The following LRRFIP1 variants were observed in gnomAD, a reference collection of about 807,000 sequenced individuals.
LRRFIP1 encodes LRR binding FLII interacting protein 1.
Under a neutral mutation model 104.4 loss-of-function variants are expected in LRRFIP1, and 62 were observed. That is an observed-to-expected ratio of 0.59 (90% CI 0.48 to 0.73). LRRFIP1 has a LOEUF of 0.73. Among genes scored for constraint, LRRFIP1 ranks in the 30% least tolerant of loss-of-function variants. The probability of loss-of-function intolerance (pLI) is 0.00; values close to 1 mark genes in which losing one functional copy is unlikely to be tolerated. For missense variants in LRRFIP1, 796 were observed against 824.5 expected (o/e 0.97, Z 0.42); for synonymous variants, 300 against 299.0 (o/e 1.00, Z -0.03).
At chr2:237,632,140 G>A (rs2082440692) in intron 1 of LRRFIP1, among the ~76,000 whole-genome samples, 1 of 152,170 alleles carries the variant, frequency 6.6e-6, no homozygotes, top group Admixed American at 6.5e-5. Flanking sequence ...CTGCCCCCAA[G>A]GAGTCCAGTT....
At chr2:237,672,737 C>A (rs1290583568) in intron 1 of LRRFIP1, among the ~76,000 whole-genome samples, 1 of 152,160 alleles carries the variant, frequency 6.6e-6, no homozygotes, top group African/African-American at 2.4e-5. Flanking sequence ...CCTTCTGATT[C>A]TTCTAAGAGA....
chr2:237,713,071 GGCC>G (rs1481651224), intron 2 of LRRFIP1, among the ~76,000 whole-genome samples: 1 of 151,906 alleles, frequency 6.6e-6, no homozygotes, highest in Non-Finnish European at 1.5e-5. Flanking sequence ...TTCTTGAGGG[GGCC>G]GCTCTGAGAA....
chr2:237,700,635 G>A (rs550757911), intron 1 of LRRFIP1, among the ~76,000 whole-genome samples: 110 of 152,234 alleles, frequency 7.2e-4, no homozygotes, highest in African/African-American at 2.4e-3. Context: ...CCCGTGGGGC[G>A]TCATTTCCAT....
At chr2:237,700,078 G>A (rs1037773441) in intron 1 of LRRFIP1, among the ~76,000 whole-genome samples, 3 of 152,306 alleles carry the variant, frequency 2.0e-5, no homozygotes, top group East Asian at 1.9e-4. Context: ...TGTGCCGTCC[G>A]TTCTTGTCCA....
intron 15 of LRRFIP1, among the ~76,000 whole-genome samples, chr2:237,754,436 G>A (rs76364272): frequency 0.043 from 6,483 of 152,190 alleles, 473 homozygotes; most frequent in African/African-American, 0.15. Flanking sequence ...TAATGACAGC[G>A]GACTGATTCC....
rs759675058 is a variant in LRRFIP1 at position 237,758,762 on chromosome 2, G to A, written c.1258G>A (p.Val420Ile). 55 of 1,613,318 alleles carry A rather than the reference G, an allele frequency of 3.4e-5. No individual in the cohort carries two copies. The highest frequency in any genetic ancestry group is 1.6e-4 in the Middle Eastern group (1 of 6,062). The stretch of plus-strand genomic sequence containing the variant: ...GAGGCAGAAAGAGTTCTTTGATTCC[G>A]TAAGGAGTGAACGGGATGATCTTAG... ...LERQKEFFDS[V>I]RSERDDLREE... Residue 420 changes from valine to isoleucine, a missense_variant, in exon 18 of 24, where the codon GTA (valine) becomes ATA (isoleucine). Physicochemically the swap from Val to Ile is conservative, Grantham distance 29. Transcript: ENST00000308482.
At chr2:237,632,115 G>A (rs369783141) in intron 1 of LRRFIP1, among the ~76,000 whole-genome samples, 3 of 149,064 alleles carry the variant, frequency 2.0e-5, no homozygotes, top group African/African-American at 7.3e-5. Context: ...GTCCAGTTGC[G>A]GAGAAGGGGT....
At chr2:237,692,656 G>C (rs1039776720) in intron 1 of LRRFIP1, 28 of 1,214,632 alleles carry the variant, frequency 2.3e-5, no homozygotes, top group Admixed American at 2.3e-4. Flanking sequence ...ACCCCAGCGC[G>C]GTGGGAGCGG....
chr2:237,681,007 G>GA (rs954845713), intron 1 of LRRFIP1, among the ~76,000 whole-genome samples: 14 of 151,378 alleles, frequency 9.2e-5, no homozygotes, highest in African/African-American at 1.5e-4. Flanking sequence ...ATGACAAAAA[G>GA]AAAAAAAACA....
chr2:237,708,440 G>C (rs1434694676), intron 1 of LRRFIP1, 104 bp from the exon 2 acceptor site: 2 of 818,836 alleles, frequency 2.4e-6, no homozygotes, highest in South Asian at 1.9e-5. Context: ...CTGTATATCT[G>C]TTAAACTCTG....
At chr2:237,725,850 A>G (rs1420090582) in intron 7 of LRRFIP1, among the ~76,000 whole-genome samples, 3 of 152,258 alleles carry the variant, frequency 2.0e-5, no homozygotes, top group African/African-American at 7.2e-5. Context: ...TACAGTGCAA[A>G]GGACAGGGTT....
rs1426771820 is a variant in LRRFIP1 at position 237,781,245 on chromosome 2, A to ACGGCCGG, written c.*1715_*1721dup. 6.6e-5 allele frequency among the ~76,000 whole-genome samples: 10 copies of ACGGCCGG among 152,388 alleles called. No homozygotes were observed. The East Asian group carries it at 1.9e-3, about 29-fold the overall frequency. On this transcript the variant is annotated 3_prime_UTR_variant, in exon 24 of 24. Coordinates refer to ENST00000308482, the MANE Select transcript of LRRFIP1 (RefSeq NM_001137550.2). ...GCAAACACTCACACATCACGCAGAC[A>ACGGCCGG]CGGCCGGCAGCATGCTGACGCTTTT... is the stretch of plus-strand genomic sequence containing the variant.
chr2:237,707,872 C>CCGT (rs2093891264), intron 1 of LRRFIP1, among the ~76,000 whole-genome samples: 1 of 152,190 alleles, frequency 6.6e-6, no homozygotes, highest in Non-Finnish European at 1.5e-5. Context: ...ACAGCTAGAA[C>CCGT]CGTTCTGCTA....
At chr2:237,742,537 T>C (rs1385678873) in intron 11 of LRRFIP1, among the ~76,000 whole-genome samples, 1 of 152,256 alleles carries the variant, frequency 6.6e-6, no homozygotes, top group African/African-American at 2.4e-5. Flanking sequence ...ATCCCTGGTA[T>C]CTGAAGAGAG....
At chr2:237,714,032 G>A (rs1190937486) in intron 2 of LRRFIP1, among the ~76,000 whole-genome samples, 3 of 152,290 alleles carry the variant, frequency 2.0e-5, no homozygotes, top group South Asian at 2.1e-4. Flanking sequence ...GGTAAGATTC[G>A]TGTGGCTATG....
Position 237,759,327 on chromosome 2 carries a change from C to G in LRRFIP1, c.1317+506C>G, listed in dbSNP as rs528550881. Among the ~76,000 whole-genome samples the G allele has an allele frequency of 2.8e-4, 42 of 152,214 alleles. 2 individuals carry two copies. The South Asian group carries it at 8.5e-3, about 31-fold the overall frequency. ...CAGCCGCTGCTTGACACAGGTGAAG[C>G]GCCAGTGGCAGCACTCTGGGTGGGG... is the stretch of plus-strand genomic sequence containing the variant. On this transcript the variant is annotated intron_variant, in intron 18 of 23. Transcript: ENST00000308482.
In LRRFIP1 at chr2:237,717,634, C is replaced by T; in HGVS notation, c.202-128C>T. ...CCAGGCCTGGTGCCGACTGCTTTGC[C>T]TTGGCGTGTTACCTTCACCACACGG... On this transcript the variant is annotated intron_variant, in intron 3 of 23. Transcript: ENST00000308482. The surrounding 1 kb of genome is among the most constrained non-coding windows in gnomAD (Gnocchi z 4.2). 1 of 792,744 alleles carries T rather than the reference C, an allele frequency of 1.3e-6. No homozygotes were observed. The allele number at this position is 792,744 out of a possible 1,614,324, so 49.1% of individuals were successfully genotyped here. A position where few individuals can be genotyped will look rare whatever the true frequency, so the allele number is the denominator to read the frequency against.
chr2:237,644,599 CG>C (rs2084570623), intron 1 of LRRFIP1, among the ~76,000 whole-genome samples: 1 of 152,164 alleles, frequency 6.6e-6, no homozygotes, highest in Non-Finnish European at 1.5e-5. Flanking sequence ...TTTGTGAAAC[CG>C]GAAAGCTTAG....
At chr2:237,640,833 G>A (rs1325519678) in intron 1 of LRRFIP1, among the ~76,000 whole-genome samples, 12 of 152,022 alleles carry the variant, frequency 7.9e-5, no homozygotes, top group Non-Finnish European at 4.4e-5. Context: ...AGAGAAGCCC[G>A]AGAACCTGCA....
Sources: gnomAD v4.1 joint callset for allele counts (sites outside exome capture counted in the v4.1 genomes callset) on GRCh38, gnomAD v4.1.1 for gene constraint, Gnocchi (gnomAD v3.1) non-coding constraint, MANE v1.5 for transcripts, NCBI Gene and HGNC (gene_info 2026-07-23, HGNC 2026-07-21) for gene names.